AK5: variants seen among roughly 807,000 people sequenced by gnomAD.
The protein encoded by AK5 is adenylate kinase isoenzyme 5.
In AK5, 27 loss-of-function variants were observed where a neutral mutation model predicts 69.5. The observed-to-expected ratio is 0.39, with a 90% CI of 0.29 to 0.54. The LOEUF is 0.54. Among genes scored for constraint, AK5 ranks in the 20% least tolerant of loss-of-function variants. AK5 has a pLI of 0.71. For missense variants in AK5, 531 were observed against 700.4 expected, an observed-to-expected ratio of 0.76 and a Z score of 2.73; for synonymous variants, 260 against 244.4, an observed-to-expected ratio of 1.06 and a Z score of -0.60.
rs1318417951 is a variant in AK5 at position 77,483,012 on chromosome 1, AAAAAAAAAAAAAAAAAAAAAAAAAAAAAG to A, written c.1060-303_1060-275del. On this transcript the variant is annotated intron_variant, in intron 8 of 13. Coordinates refer to ENST00000354567, the MANE Select transcript of AK5 (RefSeq NM_174858.3). ...CACTTTAAAAAAAAAAAAAAAAAAAAAAAAAAAAAAAAAAAAAAAAAAAAAAAAGAGGTGAGATACTGTACTGGTTAAGA... is the reference window on the plus strand; with the variant it reads ...CACTTTAAAAAAAAAAAAAAAAAAAAAGGTGAGATACTGTACTGGTTAAGA... Among the ~76,000 whole-genome samples, 12 of 100,702 alleles carry A rather than the reference AAAAAAAAAAAAAAAAAAAAAAAAAAAAAG, an allele frequency of 1.2e-4. 1 individual carries two copies. Among genetic ancestry groups the A allele is most frequent in the Admixed American group, 3.1e-4 (3 of 9,610 alleles). The allele number at this position is 100,702 out of a possible 152,430, so 66.1% of individuals were successfully genotyped here.
rs543081826 is a variant in AK5, at chr1:77,448,021, G to A, written c.1059+30306G>A. On this transcript the variant is annotated intron_variant, in intron 8 of 13. Transcript: ENST00000354567. ...GTCCATCCAGGCTTAGGGCACCGAC[G>A]AGCATGGAAGGGAGGCTGACAGGGG... Among the ~76,000 whole-genome samples, 10 of 152,320 alleles carry A rather than the reference G, an allele frequency of 6.6e-5. 1 individual carries two copies. The highest frequency in any genetic ancestry group is 1.3e-4 in the Admixed American group (2 of 15,302).
intron 13 of AK5, among the ~76,000 whole-genome samples, chr1:77,552,563 T>C (rs1036956947): frequency 3.9e-5 from 6 of 152,152 alleles, no homozygotes; most frequent in Non-Finnish European, 2.9e-5. Flanking sequence ...TTCACTGTGA[T>C]AGTAAAAGGC....
intron 6 of AK5, among the ~76,000 whole-genome samples, chr1:77,377,324 T>A (rs1647316363): frequency 6.6e-6 from 1 of 152,156 alleles, no homozygotes; most frequent in Non-Finnish European, 1.5e-5. Context: ...CTTACCTCAA[T>A]AAATGTCAAC....
chr1:77,554,597 G>GTTTTGT (rs373574613), intron 13 of AK5, among the ~76,000 whole-genome samples: 1,716 of 151,876 alleles, frequency 0.011, 18 homozygotes, highest in African/African-American at 0.034. Context: ...TTTTATTTGG[G>GTTTTGT]TTTTGTTTTT....
At chr1:77,391,527 A>C (rs963218042) in intron 6 of AK5, among the ~76,000 whole-genome samples, 8 of 122,960 alleles carry the variant, frequency 6.5e-5, no homozygotes, top group African/African-American at 1.9e-4. Context: ...ATATATATAT[A>C]TCTCCTCAGG....
chr1:77,317,445 G>C (rs953367612), intron 5 of AK5, among the ~76,000 whole-genome samples: 6 of 152,124 alleles, frequency 3.9e-5, no homozygotes, highest in Admixed American at 2.6e-4. Context: ...AATAGGAAGA[G>C]TGTAAAAAAA....
chr1:77,367,641 T>G (rs1404093452), intron 6 of AK5, among the ~76,000 whole-genome samples: 1 of 82,744 alleles, frequency 1.2e-5, no homozygotes, highest in East Asian at 3.9e-4. Context: ...ATATATATGT[T>G]ATGTTATATA....
chr1:77,483,525 C>A (rs1655402606), intron 9 of AK5, among the ~76,000 whole-genome samples, 166 bp downstream of exon 9: 2 of 152,122 alleles, frequency 1.3e-5, no homozygotes, highest in Admixed American at 1.3e-4. Context: ...CTGCCTCCAT[C>A]CATGTAAAGA....
chr1:77,411,869 A>G (rs146883874), intron 7 of AK5, among the ~76,000 whole-genome samples: 8 of 152,342 alleles, frequency 5.3e-5, no homozygotes, highest in Non-Finnish European at 8.8e-5. Context: ...GTAAGGTGGT[A>G]GTCTTTCTGG....
intron 1 of AK5, chr1:77,283,078 C>T (rs1658152016): frequency 1.0e-6 from 1 of 985,496 alleles, no homozygotes; most frequent in Non-Finnish European, 1.2e-6. Flanking sequence ...GGGCGGACTC[C>T]TGTTGCTCAG....
rs977075099 is a variant in AK5 at position 77,455,344 on chromosome 1, A to T, written c.1060-27973A>T. 6.6e-5 allele frequency among the ~76,000 whole-genome samples: 10 copies of T among 152,182 alleles called. No individual in the cohort carries two copies. The East Asian group carries it at 1.2e-3, about 18-fold the overall frequency. ...AGGGCAGAGCCATCATGAAGACATG[A>T]GTGCCTTATAAAAGAGGCCCCAGCT... On this transcript the variant is annotated intron_variant, in intron 8 of 13. Coordinates refer to ENST00000354567, the MANE Select transcript of AK5 (RefSeq NM_174858.3).
rs578057566 is a variant in AK5 at position 77,328,204 on chromosome 1, T to G, written c.700-12173T>G. On this transcript the variant is annotated intron_variant, in intron 5 of 13. Coordinates refer to ENST00000354567, the MANE Select transcript of AK5 (RefSeq NM_174858.3). ...CTTATTGTCAACCTGGTATATACTA[T>G]TCATTAAAACTTCAGGCCAGGTGCA... Among the ~76,000 whole-genome samples the G allele has an allele frequency of 2.0e-5, 3 of 152,276 alleles. No individual in the cohort carries two copies. The East Asian group carries it at 5.8e-4, about 29-fold the overall frequency.
chr1:77,286,022 A>T (rs1376318570), intron 1 of AK5, among the ~76,000 whole-genome samples: 2 of 152,154 alleles, frequency 1.3e-5, no homozygotes, highest in Non-Finnish European at 2.9e-5. Flanking sequence ...AATGACAAGT[A>T]TGATGTTTTA....
chr1:77,297,563 T>G lies in AK5; in HGVS notation c.420T>G (p.Gly140=). 6.2e-7 allele frequency: 1 copy of G among 1,603,190 alleles called. No individual in the cohort carries two copies. Among genetic ancestry groups the G allele is most frequent in the Non-Finnish European group, 8.5e-7 (1 of 1,176,020 alleles). ...TTTGCCTGTTTTAAATACTAGGTGG[T>G]CCAGGAAGTGGAAAGGGTACTCAGA... The part of the protein sequence containing the change: ...PRPKIILVIG[G]PGSGKGTQSL... The change falls in exon 4 of 14, where the codon GGT becomes GGG. Residue 140 remains glycine, a synonymous_variant. Coordinates refer to ENST00000354567, the MANE Select transcript of AK5 (RefSeq NM_174858.3).
At position 77,293,956 on chromosome 1, in the gene AK5, T is replaced by A. The variant is rs1354704445; in HGVS notation, c.411T>A (p.Val137=). The change falls in exon 3 of 14, where the codon GTT becomes GTA. Residue 137 remains valine, a synonymous_variant. Transcript: ENST00000354567. The part of the protein sequence containing the change: ...PTRPRPKIIL[V]IGGPGSGKGT... Reference sequence around the variant, plus strand: ...GACCTCGACCAAAAATCATTCTTGTTATAGGTATGAGGACAGAAAGCAAAA... The same window carrying A: ...GACCTCGACCAAAAATCATTCTTGTAATAGGTATGAGGACAGAAAGCAAAA... The A allele has an allele frequency of 1.2e-6, 2 of 1,610,950 alleles. No individual in the cohort carries two copies. Among genetic ancestry groups the A allele is most frequent in the African/African-American group, 1.3e-5 (1 of 74,754 alleles).
chr1:77,540,910 T>A (rs1054551696), intron 13 of AK5, among the ~76,000 whole-genome samples: 10 of 151,896 alleles, frequency 6.6e-5, no homozygotes, highest in Non-Finnish European at 1.5e-5. Context: ...TTTTTGTTTG[T>A]TTCTTTTTTT....
At chr1:77,551,102 G>A (rs543188582) in intron 13 of AK5, among the ~76,000 whole-genome samples, 18 of 152,246 alleles carry the variant, frequency 1.2e-4, no homozygotes, top group African/African-American at 3.9e-4. Flanking sequence ...GCTTGAACCC[G>A]GGAGGTGGGG....
chr1:77,448,729 G>A (rs139419596), intron 8 of AK5, among the ~76,000 whole-genome samples: 3,141 of 152,310 alleles, frequency 0.021, 52 homozygotes, highest in Non-Finnish European at 0.03. Flanking sequence ...AAGAAGGAGG[G>A]AAGAAAGAGA....
intron 6 of AK5, among the ~76,000 whole-genome samples, chr1:77,387,393 A>G (rs1648107475): frequency 6.6e-6 from 1 of 152,158 alleles, no homozygotes; most frequent in South Asian, 2.1e-4. Context: ...ATTAAATATT[A>G]TTTTACCCTA....
Sources: gnomAD v4.1 joint callset for allele counts (sites outside exome capture counted in the v4.1 genomes callset) on GRCh38, gnomAD v4.1.1 for gene constraint, MANE v1.5 for transcripts, NCBI Gene and HGNC (gene_info 2026-07-23, HGNC 2026-07-21) for gene names.